The following MEIOSIN variants were observed in gnomAD, a reference collection of about 807,000 sequenced individuals.
The protein encoded by MEIOSIN is meiosis initiator protein.
Under a neutral mutation model 23.4 loss-of-function variants are expected in MEIOSIN, and 18 were observed. The ratio of observed to expected loss-of-function variants is 0.77; its 90% CI spans 0.53 to 1.14. The LOEUF (loss-of-function observed/expected upper bound fraction) is 1.14, where lower values mean the gene tolerates loss of function less well. Among genes scored for constraint, MEIOSIN ranks in the 50% most tolerant of loss-of-function variants. The pLI is 0.00. For synonymous variants in MEIOSIN, 187 were observed against 100.6 expected (o/e 1.86, Z -5.14); for missense variants, 428 against 242.9 (o/e 1.76, Z -5.07).
chr19:45,751,459 C>T (rs1600384280), intron 5 of MEIOSIN, among the ~76,000 whole-genome samples: 1 of 152,026 alleles, frequency 6.6e-6, no homozygotes, highest in East Asian at 1.9e-4. Flanking sequence ...TGCCAAACCT[C>T]CCCAGCCTCA....
intron 4 of MEIOSIN, among the ~76,000 whole-genome samples, chr19:45,749,815 C>A (rs1352791352): frequency 6.7e-6 from 1 of 149,732 alleles, no homozygotes; most frequent in Non-Finnish European, 1.5e-5. Context: ...CCAGCCTAGC[C>A]AGCATGGTGA....
chr19:45,741,943 G>C (rs1968513685), intron 3 of MEIOSIN, among the ~76,000 whole-genome samples: 1 of 151,716 alleles, frequency 6.6e-6, no homozygotes, highest in Non-Finnish European at 1.5e-5. Flanking sequence ...CACGATCTCG[G>C]TTGCTCACTG....
At chr19:45,743,104 T>C (rs1037612181) in intron 3 of MEIOSIN, among the ~76,000 whole-genome samples, 1 of 152,168 alleles carries the variant, frequency 6.6e-6, no homozygotes, top group African/African-American at 2.4e-5. Context: ...TCTTCAGGAC[T>C]ACTGCCCAGA....
At chr19:45,761,522 A>G (rs888228132) in intron 11 of MEIOSIN, among the ~76,000 whole-genome samples, 157 bp from the exon 12 acceptor site, 1 of 141,424 alleles carries the variant, frequency 7.1e-6, no homozygotes. Flanking sequence ...CTCCTGCCTC[A>G]GCCTCCCAGA....
chr19:45,741,732 C>T (rs956668464), intron 3 of MEIOSIN, among the ~76,000 whole-genome samples: 7 of 151,874 alleles, frequency 4.6e-5, no homozygotes, highest in Admixed American at 6.6e-5. Flanking sequence ...AACCAACCAA[C>T]CAATTCTTGC....
chr19:45,753,772 G>A lies in MEIOSIN; in HGVS notation c.540G>A (p.Lys180=), dbSNP rs1377784790. ...CGTGCCAGAAGCCTCGGAAGAAGAA[G>A]CTGACCCAGGCATCAGGTACAAGCT... The part of the protein sequence containing the change: ...QGACQKPRKK[K]LTQASESQTR... The change falls in exon 6 of 15, where the codon AAG becomes AAA. Residue 180 remains lysine (K), a synonymous_variant. Coordinates refer to ENST00000457052, the MANE Select transcript of MEIOSIN (RefSeq NM_001310124.2). 1.4e-6 allele frequency: 1 copy of A among 702,564 alleles called. No individual in the cohort carries two copies. 43.5% of individuals were successfully genotyped at this position (702,564 alleles called of 1,614,324 possible). A position where few individuals can be genotyped will look rare whatever the true frequency, so the allele number is the denominator to read the frequency against.
At chr19:45,749,133 G>A (rs1056363118) in intron 4 of MEIOSIN, among the ~76,000 whole-genome samples, 17 of 151,886 alleles carry the variant, frequency 1.1e-4, no homozygotes, top group Admixed American at 6.6e-4. Context: ...CACTTTGGGA[G>A]GCCAAGGCGG....
At chr19:45,753,414 T>A (rs1296046348) in intron 5 of MEIOSIN, among the ~76,000 whole-genome samples, 1 of 152,006 alleles carries the variant, frequency 6.6e-6, no homozygotes, top group African/African-American at 2.4e-5. Flanking sequence ...GAAGTGTTGA[T>A]TCCATTCTCC....
intron 3 of MEIOSIN, among the ~76,000 whole-genome samples, chr19:45,741,069 G>A (rs780934174): frequency 9.2e-5 from 14 of 151,906 alleles, no homozygotes; most frequent in African/African-American, 1.2e-4. Flanking sequence ...AAATATTAAC[G>A]CTGGGTGCGG....
chr19:45,738,431 A>G (rs1193910938), intron 2 of MEIOSIN, among the ~76,000 whole-genome samples: 1 of 152,250 alleles, frequency 6.6e-6, no homozygotes, highest in Non-Finnish European at 1.5e-5. Context: ...CAGCCTGGCC[A>G]ACAGGGCAAA....
Position 45,764,016 on chromosome 19 carries a change from G to A in MEIOSIN, c.1815G>A (p.Lys605=), listed in dbSNP as rs1969005768. ...GCCGCCAGCACAACCGCATCGTGAA[G>A]CAGGACGGCTCCAGCAGCGAGGCTG... ...RFSRQHNRIV[K]QDGSSSEAED... The change falls in exon 15 of 15, where the codon AAG becomes AAA. Residue 605 remains lysine, a synonymous_variant. Transcript: ENST00000457052. 5.0e-6 allele frequency: 2 copies of A among 398,530 alleles called. No homozygotes were observed. Among genetic ancestry groups the A allele is most frequent in the Non-Finnish European group, 8.8e-6 (2 of 226,068 alleles). 24.7% of individuals were successfully genotyped at this position (398,530 alleles called of 1,614,324 possible).
At chr19:45,739,383 C>T (rs1188551482) in intron 2 of MEIOSIN, among the ~76,000 whole-genome samples, 3 of 152,092 alleles carry the variant, frequency 2.0e-5, no homozygotes, top group Non-Finnish European at 2.9e-5. Flanking sequence ...GAACTCCTGA[C>T]CTCAAATGAT....
chr19:45,763,663 T>C (rs1309999676), intron 14 of MEIOSIN, among the ~76,000 whole-genome samples: 1 of 152,144 alleles, frequency 6.6e-6, no homozygotes. Flanking sequence ...ATTCTTTTGC[T>C]GTCTCTGCCA....
chr19:45,762,450 CAG>C (rs1401359028), intron 13 of MEIOSIN, among the ~76,000 whole-genome samples: 1 of 152,176 alleles, frequency 6.6e-6, no homozygotes, highest in South Asian at 2.1e-4. Flanking sequence ...TTTTTTGAGA[CAG>C]AGTCTCACTC....
intron 4 of MEIOSIN, among the ~76,000 whole-genome samples, chr19:45,746,635 C>G (rs1395068480): frequency 6.6e-6 from 1 of 152,024 alleles, no homozygotes; most frequent in Non-Finnish European, 1.5e-5. Flanking sequence ...GCCTGGCCAA[C>G]ATGGTGAAAC....
At chr19:45,750,111 A>C (rs958828078) in intron 4 of MEIOSIN, among the ~76,000 whole-genome samples, 1 of 146,204 alleles carries the variant, frequency 6.8e-6, no homozygotes, top group African/African-American at 2.5e-5. Flanking sequence ...CAGAGGCTCC[A>C]GGAAGGACCC....
chr19:45,758,193 C>T (rs994485455), intron 9 of MEIOSIN, among the ~76,000 whole-genome samples: 3 of 151,992 alleles, frequency 2.0e-5, no homozygotes, highest in Non-Finnish European at 2.9e-5. Flanking sequence ...AGGGTTTCAC[C>T]GTGTTGGCCA....
chr19:45,737,936 A>AG (rs1231519900), intron 2 of MEIOSIN, among the ~76,000 whole-genome samples: 1 of 151,386 alleles, frequency 6.6e-6, no homozygotes, highest in Non-Finnish European at 1.5e-5. Flanking sequence ...AAAAAAAAAA[A>AG]TTGTGGACAG....
chr19:45,752,869 C>T (rs578111352), intron 5 of MEIOSIN, among the ~76,000 whole-genome samples: 24 of 151,822 alleles, frequency 1.6e-4, no homozygotes, highest in Admixed American at 1.1e-3. Flanking sequence ...CCAGACACCC[C>T]GCGCGTGTCT....
Sources: allele counts gnomAD v4.1 joint callset (sites outside exome capture counted in the v4.1 genomes callset), GRCh38; gene constraint gnomAD v4.1.1; transcripts MANE v1.5; gene names NCBI Gene and HGNC (gene_info 2026-07-23, HGNC 2026-07-21).